MCC: variants seen among roughly 807,000 people sequenced by gnomAD.
MCC encodes MCC regulator of Wnt signaling pathway, also known as colorectal mutant cancer protein.
A neutral mutation model predicts 116.2 loss-of-function variants in MCC; 90 were observed. That is an observed-to-expected ratio of 0.77 (90% CI 0.65 to 0.92). The LOEUF (loss-of-function observed/expected upper bound fraction) is 0.92. Among genes scored for constraint, MCC ranks in the 40% least tolerant of loss-of-function variants. The pLI is 0.00. For synonymous variants in MCC, 578 were observed against 510.5 expected, an observed-to-expected ratio of 1.13 and a Z score of -1.78; for missense variants, 1,516 against 1,312.2, an observed-to-expected ratio of 1.16 and a Z score of -2.40.
At chr5:113,268,625 C>T (rs946128034) in intron 3 of MCC, among the ~76,000 whole-genome samples, 7 of 152,170 alleles carry the variant, frequency 4.6e-5, no homozygotes, top group Admixed American at 2.0e-4. Flanking sequence ...ATATACAAAG[C>T]GTCTCTCAAT....
intron 1 of MCC, among the ~76,000 whole-genome samples, chr5:113,408,350 A>G (rs894691068): frequency 6.6e-6 from 1 of 152,194 alleles, no homozygotes; most frequent in African/African-American, 2.4e-5. Flanking sequence ...TTTTCAAAAG[A>G]AAAAAGAGGG....
intron 3 of MCC, among the ~76,000 whole-genome samples, chr5:113,232,890 C>T (rs1763988497): frequency 6.6e-6 from 1 of 152,152 alleles, no homozygotes; most frequent in South Asian, 2.1e-4. Context: ...TAAATTCTGT[C>T]TTCTCAACTA....
chr5:113,263,314 A>G (rs746127533), intron 3 of MCC, among the ~76,000 whole-genome samples: 2 of 152,206 alleles, frequency 1.3e-5, no homozygotes, highest in East Asian at 1.9e-4. Flanking sequence ...CCGAAGGAAG[A>G]AGGAGGAAAT....
intron 3 of MCC, among the ~76,000 whole-genome samples, chr5:113,264,704 A>T (rs1765354604): frequency 6.6e-6 from 1 of 152,218 alleles, no homozygotes; most frequent in South Asian, 2.1e-4. Flanking sequence ...AGAATATCTT[A>T]TGATGTAAAA....
At chr5:113,383,438 T>G (rs992438212) in intron 2 of MCC, among the ~76,000 whole-genome samples, 3 of 152,092 alleles carry the variant, frequency 2.0e-5, no homozygotes, top group Non-Finnish European at 4.4e-5. Flanking sequence ...ATTAAAAGCA[T>G]GAAGAAAATG....
chr5:113,339,794 A>G (rs548147232), intron 3 of MCC, among the ~76,000 whole-genome samples: 53 of 152,384 alleles, frequency 3.5e-4, no homozygotes, highest in South Asian at 1.9e-3. Flanking sequence ...GTAAATATGC[A>G]TAAGTCAAGG....
intron 3 of MCC, among the ~76,000 whole-genome samples, chr5:113,244,486 C>T (rs1055760769): frequency 5.3e-5 from 8 of 152,186 alleles, no homozygotes; most frequent in Non-Finnish European, 2.9e-5. Context: ...TAAGCCTATA[C>T]ATTATGAAAC....
intron 2 of MCC, among the ~76,000 whole-genome samples, chr5:113,351,624 C>T (rs531966883): frequency 6.6e-6 from 1 of 152,208 alleles, no homozygotes; most frequent in Non-Finnish European, 1.5e-5. Flanking sequence ...ATAAGACCTA[C>T]TGTTTGCTAG....
At chr5:113,428,364 T>C (rs74810977) in intron 1 of MCC, among the ~76,000 whole-genome samples, 4,892 of 152,264 alleles carry the variant, frequency 0.032, 107 homozygotes, top group East Asian at 0.075. Context: ...CTGAAGCATG[T>C]GTTCTCTCAG....
At chr5:113,426,096 C>T (rs1770474791) in intron 1 of MCC, among the ~76,000 whole-genome samples, 1 of 152,056 alleles carries the variant, frequency 6.6e-6, no homozygotes, top group African/African-American at 2.4e-5. Context: ...CAGCCAGGCC[C>T]AGGAAATAAG....
chr5:113,158,705 A>ATCC (rs1581175024), intron 3 of MCC, among the ~76,000 whole-genome samples: 1 of 152,244 alleles, frequency 6.6e-6, no homozygotes, highest in East Asian at 1.9e-4. Flanking sequence ...AGAGGGGTAG[A>ATCC]AAATCAGCCG....
intron 3 of MCC, among the ~76,000 whole-genome samples, chr5:113,333,211 G>A (rs1175134048): frequency 6.6e-6 from 1 of 151,670 alleles, no homozygotes; most frequent in African/African-American, 2.4e-5. Context: ...TTTTAAAGAT[G>A]TTTCTGTATT....
At chr5:113,031,751 AC>A (rs1361209320) in intron 17 of MCC, among the ~76,000 whole-genome samples, 1 of 151,760 alleles carries the variant, frequency 6.6e-6, no homozygotes, top group East Asian at 1.9e-4. Context: ...ACAAGACAAA[AC>A]GCTTCCTTCC....
In MCC at chr5:113,372,953, C is replaced by T. The variant is rs181011035; in HGVS notation, c.415+12015G>A. On this transcript the variant is annotated intron_variant, in intron 2 of 18. Coordinates refer to ENST00000408903, the MANE Select transcript of MCC (RefSeq NM_001085377.2). ...CAGCACTTTGGGAGGCCGAGGCGGG[C>T]GGTTCACGTGGTCAGGAGATCGAGA... Among the ~76,000 whole-genome samples, 77 of 152,130 alleles carry T rather than the reference C, an allele frequency of 5.1e-4. 1 individual carries two copies. In the East Asian group the frequency reaches 0.011, roughly 21 times the overall value.
At chr5:113,406,672 A>G (rs1389769530) in intron 1 of MCC, among the ~76,000 whole-genome samples, 1 of 152,238 alleles carries the variant, frequency 6.6e-6, no homozygotes, top group Non-Finnish European at 1.5e-5. Flanking sequence ...TTTGAAAAAC[A>G]CTTTTCACTT....
intron 6 of MCC, among the ~76,000 whole-genome samples, chr5:113,119,910 C>G (rs1291154066): frequency 2.0e-5 from 3 of 152,216 alleles, no homozygotes; most frequent in Non-Finnish European, 2.9e-5. Flanking sequence ...ACACTGCCTT[C>G]TGTGTGAGGA....
Position 113,300,138 on chromosome 5 carries a change from T to C in MCC, c.627+40381A>G, listed in dbSNP as rs76627334. ...TACATGGCAGAAACTCTATTCTGGG[T>C]CTGGTCTGTACCCTCTACTGGTGAT... On this transcript the variant is annotated intron_variant, in intron 3 of 18. Transcript: ENST00000408903. Among the ~76,000 whole-genome samples, 12 of 152,286 alleles carry C rather than the reference T, an allele frequency of 7.9e-5. No homozygotes were observed. In the East Asian group the frequency reaches 2.3e-3, roughly 29 times the overall value.
At position 113,064,178 on chromosome 5, in the gene MCC, G is replaced by T; in HGVS notation, c.2030-11C>A. On this transcript the variant is annotated splice_polypyrimidine_tract_variant and intron_variant, in intron 13 of 18. Coordinates refer to ENST00000408903, the MANE Select transcript of MCC (RefSeq NM_001085377.2). The stretch of plus-strand genomic sequence containing the variant: ...CCCCCGACTGGTCTCCTATGTGGCA[G>T]AGAAGCCAACGGATTAATCAACATA... The T allele has an allele frequency of 6.2e-7, 1 of 1,601,950 alleles. No homozygotes were observed. The highest frequency in any genetic ancestry group is 1.1e-5 in the South Asian group (1 of 89,450).
intron 1 of MCC, among the ~76,000 whole-genome samples, chr5:113,392,031 G>A (rs577655822): frequency 1.2e-4 from 19 of 152,232 alleles, no homozygotes; most frequent in African/African-American, 4.6e-4. Context: ...TTTAGATAAA[G>A]AATTCCACAA....
Sources: gnomAD v4.1 joint callset for allele counts (sites outside exome capture counted in the v4.1 genomes callset) on GRCh38, gnomAD v4.1.1 for gene constraint, MANE v1.5 for transcripts, NCBI Gene and HGNC (gene_info 2026-07-23, HGNC 2026-07-21) for gene names.